Variants in PCDHA10 observed in about 807,000 individuals in gnomAD.
The protein encoded by PCDHA10 is protocadherin alpha 10, also known as protocadherin alpha-10.
A neutral mutation model predicts 61.2 loss-of-function variants in PCDHA10; 45 were observed. The observed-to-expected ratio is 0.74, with a 90% CI of 0.58 to 0.94. The LOEUF is 0.94. Ranked by LOEUF, PCDHA10 falls within the 40% of genes least tolerant of loss-of-function variation. PCDHA10 has a pLI of 0.00. For missense variants in PCDHA10, 1,278 were observed against 1,236.2 expected (o/e 1.03, Z -0.51); for synonymous variants, 602 against 548.8 (o/e 1.10, Z -1.35).
At chr5:140,989,837 T>C (rs1389244965) in intron 3 of PCDHA10, among the ~76,000 whole-genome samples, 1 of 152,120 alleles carries the variant, frequency 6.6e-6, no homozygotes, top group African/African-American at 2.4e-5. Context: ...AGCCTGTCAA[T>C]GAGTGTGTGG....
chr5:140,953,602 CCA>C (rs1246265860), intron 1 of PCDHA10, among the ~76,000 whole-genome samples: 3 of 152,040 alleles, frequency 2.0e-5, no homozygotes, highest in Admixed American at 6.6e-5. Context: ...TGTTTATTCC[CCA>C]GAGTCCTTAG....
At chr5:140,884,301 C>G (rs375535055) in intron 1 of PCDHA10, 2 of 1,613,726 alleles carry the variant, frequency 1.2e-6, no homozygotes, top group South Asian at 1.1e-5. Context: ...GCGCCACAGG[C>G]TTCGTCGAGG....
intron 1 of PCDHA10, chr5:140,883,965 T>A (rs781999874): frequency 1.9e-6 from 3 of 1,613,128 alleles, no homozygotes; most frequent in Non-Finnish European, 2.5e-6. Context: ...CCGGCGCTGC[T>A]GACGCCCGGG....
chr5:140,909,462 C>T (rs2074519059), intron 1 of PCDHA10, among the ~76,000 whole-genome samples: 1 of 152,212 alleles, frequency 6.6e-6, no homozygotes, highest in Non-Finnish European at 1.5e-5. Flanking sequence ...ATCCATCTGT[C>T]TTCTTCACAG....
At chr5:140,879,396 T>C (rs2057974571) in intron 1 of PCDHA10, among the ~76,000 whole-genome samples, 1 of 152,174 alleles carries the variant, frequency 6.6e-6, no homozygotes, top group Non-Finnish European at 1.5e-5. Context: ...AAACAGTTTG[T>C]GTGTATTTGA....
intron 1 of PCDHA10, among the ~76,000 whole-genome samples, chr5:140,931,665 T>C (rs2087667345): frequency 6.6e-6 from 1 of 151,998 alleles, no homozygotes. Flanking sequence ...GGCTGGATAT[T>C]TCCTTATAAA....
At chr5:141,006,130 TAGAAAGCTTAAGC>T (rs2098257447) in intron 3 of PCDHA10, among the ~76,000 whole-genome samples, 1 of 150,362 alleles carries the variant, frequency 6.7e-6, no homozygotes. Context: ...CTCAAGGCAG[TAGAAAGCTTAAGC>T]AGAGGAGTGA....
chr5:140,879,479 G>A (rs992823540), intron 1 of PCDHA10, among the ~76,000 whole-genome samples: 10 of 152,196 alleles, frequency 6.6e-5, no homozygotes, highest in Non-Finnish European at 1.3e-4. Context: ...GTTGTGATTG[G>A]AAATATGGGT....
At chr5:140,894,554 G>GA (rs1204407145) in intron 1 of PCDHA10, among the ~76,000 whole-genome samples, 2 of 151,600 alleles carry the variant, frequency 1.3e-5, no homozygotes, top group Non-Finnish European at 2.9e-5. Flanking sequence ...GTTTACTTCT[G>GA]AAAAAATTAT....
Position 140,857,035 on chromosome 5 carries a change from G to A in PCDHA10, c.987G>A (p.Met329Ile), listed in dbSNP as rs1358871197. Reference protein sequence around the residue: ...VDVTDKGNPPMVGHCTVLVEL... With the variant: ...VDVTDKGNPPIVGHCTVLVEL... ...TTACAGATAAGGGAAACCCACCTATGGTTGGTCACTGCACGGTCCTAGTGG... is the reference window on the plus strand; with the variant it reads ...TTACAGATAAGGGAAACCCACCTATAGTTGGTCACTGCACGGTCCTAGTGG... Residue 329 changes from methionine to isoleucine, a missense_variant, in exon 1 of 4, where the codon ATG becomes ATA. Met to Ile is a conservative substitution (Grantham distance 10). Transcript: ENST00000307360. 4 of 1,596,218 alleles carry A rather than the reference G, an allele frequency of 2.5e-6. No individual in the cohort carries two copies. The highest frequency in any genetic ancestry group is 3.4e-6 in the Non-Finnish European group (4 of 1,165,964).
rs1554168216 is a variant in PCDHA10, at chr5:140,876,040, A to G, written c.2388+17604A>G. 2 of 1,613,752 alleles carry G rather than the reference A, an allele frequency of 1.2e-6. No homozygotes were observed. Among genetic ancestry groups the G allele is most frequent in the African/African-American group, 1.3e-5 (1 of 74,922 alleles). ...AATAAAAACAAAAAAAGATAAAAGT[A>G]TATTGCCTGAATTAGTTCTTCGGAA... On this transcript the variant is annotated intron_variant, in intron 1 of 3. Coordinates refer to ENST00000307360, the MANE Select transcript of PCDHA10 (RefSeq NM_018901.4).
chr5:140,900,381 G>A lies in PCDHA10; in HGVS notation c.2388+41945G>A, dbSNP rs149167159. 1.2e-4 allele frequency among the ~76,000 whole-genome samples: 19 copies of A among 152,024 alleles called. 1 individual carries two copies. The East Asian group carries it at 2.1e-3, about 17-fold the overall frequency. ...CAACCTCTGCCTCCTGGGTTCAAGC[G>A]ATTCTCCTGCCTCAGCCTCCCAAGT... is the stretch of plus-strand genomic sequence containing the variant. On this transcript the variant is annotated intron_variant, in intron 1 of 3. Transcript: ENST00000307360.
At chr5:140,892,158 T>C (rs1442080527) in intron 1 of PCDHA10, among the ~76,000 whole-genome samples, 1 of 152,242 alleles carries the variant, frequency 6.6e-6, no homozygotes, top group Non-Finnish European at 1.5e-5. Context: ...ATTTCTGATA[T>C]GTCCAGTAAC....
chr5:140,968,734 C>T, intron 1 of PCDHA10: 1 of 1,614,162 alleles, frequency 6.2e-7, no homozygotes, highest in Non-Finnish European at 8.5e-7. Flanking sequence ...GTAGCACTTT[C>T]AACCTGACCG....
intron 1 of PCDHA10, among the ~76,000 whole-genome samples, chr5:140,975,638 C>T (rs1256768090): frequency 6.6e-6 from 1 of 152,130 alleles, no homozygotes; most frequent in Non-Finnish European, 1.5e-5. Context: ...ACGAAGATAG[C>T]ATATTATTTC....
At chr5:140,999,784 T>C (rs1176844844) in intron 3 of PCDHA10, among the ~76,000 whole-genome samples, 1 of 152,202 alleles carries the variant, frequency 6.6e-6, no homozygotes, top group African/African-American at 2.4e-5. Context: ...AACCTAGAAA[T>C]GGCAGAGTTA....
At position 140,856,667 on chromosome 5, in the gene PCDHA10, C is replaced by T; in HGVS notation, c.619C>T (p.Leu207=). ...KLLDREENPQ[L]KLLLTATDGG... Reference sequence around the variant, plus strand: ...GCTGGATCGTGAAGAAAATCCTCAGCTAAAGTTGTTGTTGACAGCAACTGA... The same window carrying T: ...GCTGGATCGTGAAGAAAATCCTCAGTTAAAGTTGTTGTTGACAGCAACTGA... Residue 207 remains leucine (L), a synonymous_variant, in exon 1 of 4, where the codon CTA becomes TTA. Coordinates refer to ENST00000307360, the MANE Select transcript of PCDHA10 (RefSeq NM_018901.4). The T allele has an allele frequency of 6.3e-7, 1 of 1,597,938 alleles. No homozygotes were observed. The highest frequency in any genetic ancestry group is 8.6e-7 in the Non-Finnish European group (1 of 1,167,478).
intron 3 of PCDHA10, among the ~76,000 whole-genome samples, chr5:140,983,802 A>G (rs2097069375): frequency 6.6e-6 from 1 of 152,246 alleles, no homozygotes; most frequent in South Asian, 2.1e-4. Context: ...ATGTGTGTGT[A>G]AAAGGTTTTT....
At chr5:140,927,243 C>A in intron 1 of PCDHA10, 1 of 1,614,132 alleles carries the variant, frequency 6.2e-7, no homozygotes. Flanking sequence ...TCCTGGACAC[C>A]AATGACAACT....
Sources: allele counts gnomAD v4.1 joint callset (sites outside exome capture counted in the v4.1 genomes callset), GRCh38; gene constraint gnomAD v4.1.1; transcripts MANE v1.5; gene names NCBI Gene and HGNC (gene_info 2026-07-23, HGNC 2026-07-21).